DCHS1: variants seen among roughly 807,000 people sequenced by gnomAD.
The protein encoded by DCHS1 is dachsous cadherin-related 1, also known as protocadherin-16.
DCHS1 carries 78 observed loss-of-function variants against 213.9 expected under a neutral mutation model. The ratio of observed to expected loss-of-function variants is 0.36; its 90% CI spans 0.30 to 0.44. The LOEUF is 0.44. Among genes scored for constraint, DCHS1 ranks in the 20% least tolerant of loss-of-function variants. The pLI is 1.00. For synonymous variants in DCHS1, 1,828 were observed against 1,873.7 expected (o/e 0.98, Z 0.63); for missense variants, 3,946 against 4,395.9 (o/e 0.90, Z 2.89).
chr11:6,624,965 C>T (rs1408776221), intron 19 of DCHS1, 97 bp from the exon 20 acceptor site: 11 of 1,537,944 alleles, frequency 7.2e-6, no homozygotes, highest in East Asian at 2.3e-5. Context: ...CCCTGCTTGG[C>T]GTCTATTCCA....
At position 6,639,883 on chromosome 11, in the gene DCHS1, T is replaced by C. The variant is rs1296950594; in HGVS notation, c.1731A>G (p.Gln577=). The C allele has an allele frequency of 9.3e-6, 15 of 1,613,752 alleles. No homozygotes were observed. The highest frequency in any genetic ancestry group is 1.1e-5 in the Non-Finnish European group (13 of 1,179,722). Residue 577 remains glutamine (Q), a synonymous_variant, in exon 2 of 21, where the codon CAA becomes CAG. Transcript: ENST00000299441. ...AGGCATTGTAGAAAGTCCTCTGGAA[T>C]TGGGGCTCATTATCATTCACATCTT... is the stretch of plus-strand genomic sequence containing the variant. ...ALQDVNDNEP[Q]FQRTFYNASL...
rs1444755768 is a variant in DCHS1 at position 6,630,351 on chromosome 11, C to T, written c.4443G>A (p.Pro1481=). ...CGTCCAGGCGAAGCGCCGGCACGGG[C>T]GGCTCCTGGCGCAGCAGGCGGTAGC... The part of the protein sequence containing the change: ...DVRYRLLRQE[P]PVPALRLDAR... Residue 1481 remains proline (P), a synonymous_variant, in exon 10 of 21, where the codon CCG becomes CCA. Transcript: ENST00000299441. 1.5e-6 allele frequency: 2 copies of T among 1,311,578 alleles called. No homozygotes were observed. The highest frequency in any genetic ancestry group is 9.7e-7 in the Non-Finnish European group (1 of 1,032,286). 81.2% of individuals were successfully genotyped at this position (1,311,578 alleles called of 1,614,324 possible).
chr11:6,627,110 T>C lies in DCHS1; in HGVS notation c.5929A>G (p.Ser1977Gly), dbSNP rs770785709. 6.2e-7 allele frequency: 1 copy of C among 1,613,080 alleles called. No individual in the cohort carries two copies. The highest frequency in any genetic ancestry group is 8.5e-7 in the Non-Finnish European group (1 of 1,179,620). Residue 1977 changes from serine to glycine, a missense_variant, in exon 14 of 21, where the codon AGT (serine) becomes GGT (glycine). Ser to Gly is a moderately conservative substitution (Grantham distance 56). Around this residue, in one of 3 missense-constraint regions of DCHS1, gnomAD observed 3,384 missense variants for 3,780.1 expected, o/e 0.90. Coordinates refer to ENST00000299441, the MANE Select transcript of DCHS1 (RefSeq NM_003737.4). The surrounding 1 kb of genome is among the most constrained non-coding windows in gnomAD (Gnocchi z 5.4). ...LRLPRPGPSF[S>G]TPTLALATLR... ...GTGGCCAGAGCCAGGGTTGGGGTAC[T>C]GAAGCTGGGGCCTGGGCGGGGCAGA...
In DCHS1 at chr11:6,641,667, C is replaced by A; in HGVS notation, c.-54G>T. On this transcript the variant is annotated 5_prime_UTR_variant, in exon 2 of 21. Transcript: ENST00000299441. This position sits in a 1 kb window ranked among gnomAD's most constrained non-coding sequence, Gnocchi z 7.1. ...CTCCAGCTCCAGGCCAGGCTCTGGG[C>A]CCAGCTTGACCTCAGACTTTGGGTC... The A allele has an allele frequency of 4.7e-6, 7 of 1,482,592 alleles. No homozygotes were observed. In the South Asian group the frequency reaches 8.2e-5, roughly 17 times the overall value. The allele number at this position is 1,482,592 out of a possible 1,614,324, so 91.8% of individuals were successfully genotyped here.
In DCHS1 at chr11:6,622,457, T is replaced by C. The variant is rs1467972825; in HGVS notation, c.9219A>G (p.Ala3073=). 1.9e-6 allele frequency: 3 copies of C among 1,562,842 alleles called. No homozygotes were observed. Among genetic ancestry groups the C allele is most frequent in the Admixed American group, 1.9e-5 (1 of 52,204 alleles). Reference sequence around the variant, plus strand: ...CGCAGGATGTGTCACTCAGACCATCTGCATCCTGCTGGATGCCTGAGTCAG... The same window carrying C: ...CGCAGGATGTGTCACTCAGACCATCCGCATCCTGCTGGATGCCTGAGTCAG... ...RGPDSGIQQD[A]DGLSDTSCEP... is the part of the protein sequence containing the mutation. The change falls in exon 21 of 21, where the codon GCA becomes GCG. Residue 3073 remains alanine, a synonymous_variant. Coordinates refer to ENST00000299441, the MANE Select transcript of DCHS1 (RefSeq NM_003737.4). The surrounding 1 kb of genome is among the most constrained non-coding windows in gnomAD (Gnocchi z 5.4).
chr11:6,628,975 T>A lies in DCHS1; in HGVS notation c.5162-145A>T. The A allele has an allele frequency of 1.2e-6, 1 of 841,166 alleles. No individual in the cohort carries two copies. Among genetic ancestry groups the A allele is most frequent in the Non-Finnish European group, 1.9e-6 (1 of 521,554 alleles). 52.1% of individuals were successfully genotyped at this position (841,166 alleles called of 1,614,324 possible). A position where few individuals can be genotyped will look rare whatever the true frequency, so the allele number is the denominator to read the frequency against. The stretch of plus-strand genomic sequence containing the variant: ...ATACCTCTCAGGCACACATGTGTCA[T>A]GCATACATAAACATACATGTGTCCT... On this transcript the variant is annotated intron_variant, in intron 12 of 20. Coordinates refer to ENST00000299441, the MANE Select transcript of DCHS1 (RefSeq NM_003737.4). The surrounding 1 kb of genome is among the most constrained non-coding windows in gnomAD (Gnocchi z 4.3).
rs1855728856 is a variant in DCHS1 at position 6,623,048 on chromosome 11, T to G, written c.8628A>C (p.Ala2876=). 1.3e-6 allele frequency: 2 copies of G among 1,576,586 alleles called. No homozygotes were observed. The highest frequency in any genetic ancestry group is 1.7e-6 in the Non-Finnish European group (2 of 1,161,598). The change falls in exon 21 of 21, where the codon GCA becomes GCC. Residue 2876 remains alanine, a synonymous_variant. Transcript: ENST00000299441. ...GALYLRVDSR[A]PGSGTATSGG... is the part of the protein sequence containing the mutation. ...CAGAGGTGGCTGTTCCGCTGCCTGG[T>G]GCCCGACTGTCCACCCGCAGGTACA...
Position 6,639,739 on chromosome 11 carries a change from G to T in DCHS1, c.1797+78C>A, listed in dbSNP as rs985140865. ...CACCATCAACAGATGACCTTGTAAGGCTTGGTTCCTGCTCTGAGGTCCCCT... is the reference window on the plus strand; with the variant it reads ...CACCATCAACAGATGACCTTGTAAGTCTTGGTTCCTGCTCTGAGGTCCCCT... On this transcript the variant is annotated intron_variant, in intron 2 of 20. Transcript: ENST00000299441. 74 of 1,262,942 alleles carry T rather than the reference G, an allele frequency of 5.9e-5. No homozygotes were observed. The Middle Eastern group carries it at 8.8e-4, about 15-fold the overall frequency. The allele number at this position is 1,262,942 out of a possible 1,614,324, so 78.2% of individuals were successfully genotyped here. A position where few individuals can be genotyped will look rare whatever the true frequency, so the allele number is the denominator to read the frequency against.
At chr11:6,647,707 A>C (rs1485523767) in intron 1 of DCHS1, among the ~76,000 whole-genome samples, 1 of 152,208 alleles carries the variant, frequency 6.6e-6, no homozygotes, top group Non-Finnish European at 1.5e-5. Flanking sequence ...CTGAGTTAAC[A>C]CAGCCTTAAT....
At chr11:6,639,238 C>T (rs1009682367) in intron 2 of DCHS1, among the ~76,000 whole-genome samples, 2 of 152,188 alleles carry the variant, frequency 1.3e-5, no homozygotes, top group Non-Finnish European at 1.5e-5. Context: ...CTCCATTTCT[C>T]CAGGACTGAC....
At position 6,632,697 on chromosome 11, in the gene DCHS1, C is replaced by T. The variant is rs1189937896; in HGVS notation, c.2815G>A (p.Gly939Arg). The T allele has an allele frequency of 6.3e-7, 1 of 1,589,202 alleles. No individual in the cohort carries two copies. ...VTFTLLAGGGGAFTVDPTTGH... is the reference protein window; with the variant it reads ...VTFTLLAGGGRAFTVDPTTGH... The stretch of plus-strand genomic sequence containing the variant: ...GTGGTGGGGTCCACGGTGAAGGCTC[C>T]ACCACCCCCAGCAAGCAGGGTAAAG... Residue 939 changes from glycine to arginine, a missense_variant, in exon 6 of 21, where the codon GGA (glycine) becomes AGA (arginine). This residue lies in a region of DCHS1 where 3,384 missense variants were observed against 3,780.1 expected (regional missense o/e 0.90). Transcript: ENST00000299441. The surrounding 1 kb of genome is among the most constrained non-coding windows in gnomAD (Gnocchi z 5.9).
At chr11:6,633,334 G>A in intron 5 of DCHS1, 78 bp downstream of exon 5, 1 of 1,403,752 alleles carries the variant, frequency 7.1e-7, no homozygotes, top group Non-Finnish European at 9.7e-7. Context: ...GATACTCTAA[G>A]GTATCTTCGG....
At chr11:6,642,153 A>G (rs1367443365) in intron 1 of DCHS1, among the ~76,000 whole-genome samples, 1 of 152,174 alleles carries the variant, frequency 6.6e-6, no homozygotes, top group East Asian at 1.9e-4. Context: ...CTTTCCATCA[A>G]TACTACATAT....
intron 2 of DCHS1, among the ~76,000 whole-genome samples, chr11:6,636,686 C>T (rs1041919778): frequency 2.0e-5 from 3 of 152,184 alleles, no homozygotes; most frequent in Non-Finnish European, 4.4e-5. Context: ...TCTCCACCCA[C>T]TGCTTCCCCC....
chr11:6,633,392 G>T lies in DCHS1; in HGVS notation c.2455+20C>A, dbSNP rs757503348. 6.5e-7 allele frequency: 1 copy of T among 1,546,402 alleles called. No homozygotes were observed. Among genetic ancestry groups the T allele is most frequent in the Non-Finnish European group, 8.7e-7 (1 of 1,143,170 alleles). On this transcript the variant is annotated intron_variant, in intron 5 of 20. Transcript: ENST00000299441. ...GGGTATTTGGGTCTGACACCAAGTGGGTATAAAGCTAAATGATACCTGGTG... is the reference window on the plus strand; with the variant it reads ...GGGTATTTGGGTCTGACACCAAGTGTGTATAAAGCTAAATGATACCTGGTG...
intron 20 of DCHS1, 63 bp from the exon 21 acceptor site, chr11:6,624,453 G>A: frequency 6.8e-7 from 1 of 1,464,220 alleles, no homozygotes; most frequent in Non-Finnish European, 9.1e-7. Context: ...ACAGAAGAGT[G>A]ACCCTTCAGG....
rs1483672056 is a variant in DCHS1, at chr11:6,622,812, G to A, written c.8864C>T (p.Ala2955Val). 6.3e-7 allele frequency: 1 copy of A among 1,593,112 alleles called. No homozygotes were observed. The highest frequency in any genetic ancestry group is 1.7e-5 in the Admixed American group (1 of 57,358). ...GGCCCGAACAAGTCCTAGGACCAGGGCTGCCAGTGCAAGCACCACCACAAC... is the reference window on the plus strand; with the variant it reads ...GGCCCGAACAAGTCCTAGGACCAGGACTGCCAGTGCAAGCACCACCACAAC... ...LGVVVVLALA[A>V]LVLGLVRARS... The change falls in exon 21 of 21, where the codon GCC becomes GTC. Residue 2955 changes from alanine (A) to valine (V), a missense_variant. Physicochemically the swap from Ala to Val is moderately conservative, Grantham distance 64 (BLOSUM62 0). Around this residue, in one of 3 missense-constraint regions of DCHS1, gnomAD observed 554 missense variants for 590.2 expected, o/e 0.94. Coordinates refer to ENST00000299441, the MANE Select transcript of DCHS1 (RefSeq NM_003737.4). The surrounding 1 kb of genome is among the most constrained non-coding windows in gnomAD (Gnocchi z 5.4).
In DCHS1 at chr11:6,645,900, G is replaced by A. The variant is rs150560572; in HGVS notation, c.-120-4167C>T. On this transcript the variant is annotated intron_variant, in intron 1 of 20. Coordinates refer to ENST00000299441, the MANE Select transcript of DCHS1 (RefSeq NM_003737.4). ...ACATTCAACACATGCTCATACACAC[G>A]TGCGCAGAGGCTTGCTTTAACATAC... Among the ~76,000 whole-genome samples, 412 of 152,146 alleles carry A rather than the reference G, an allele frequency of 2.7e-3. 4 individuals carry two copies. Among genetic ancestry groups the A allele is most frequent in the African/African-American group, 8.7e-3 (359 of 41,476 alleles).
Position 6,625,719 on chromosome 11 carries a change from A to C in DCHS1, c.6740T>G (p.Leu2247Arg). The change falls in exon 18 of 21, where the codon CTG becomes CGG. Residue 2247 changes from leucine (L) to arginine (R), a missense_variant. Physicochemically the swap from Leu to Arg is moderately radical, Grantham distance 102. Coordinates refer to ENST00000299441, the MANE Select transcript of DCHS1 (RefSeq NM_003737.4). The surrounding 1 kb of genome is among the most constrained non-coding windows in gnomAD (Gnocchi z 5.3). Reference sequence around the variant, plus strand: ...TGGGCTCCCTCTGTCTGTGGCCATCAGCACCAACCTGGACACAAAGCACAA... The same window carrying C: ...TGGGCTCCCTCTGTCTGTGGCCATCCGCACCAACCTGGACACAAAGCACAA... ...REIWAETRLV[L>R]MATDRGSPAL... The C allele has an allele frequency of 6.2e-7, 1 of 1,604,510 alleles. No individual in the cohort carries two copies. Among genetic ancestry groups the C allele is most frequent in the Non-Finnish European group, 8.5e-7 (1 of 1,176,126 alleles).
Sources: gnomAD v4.1 joint callset for allele counts (sites outside exome capture counted in the v4.1 genomes callset) on GRCh38, gnomAD v4.1.1 for gene constraint, gnomAD v4.1.1 regional missense constraint, Gnocchi (gnomAD v3.1) non-coding constraint, MANE v1.5 for transcripts, NCBI Gene and HGNC (gene_info 2026-07-23, HGNC 2026-07-21) for gene names.